The following TEKTL1 variants were observed in gnomAD, a reference collection of about 807,000 sequenced individuals.
The protein encoded by TEKTL1 is tektin-like protein 1.
At chr19:15,010,933 C>A in the TEKTL1 span, 1 of 1,582,786 alleles carries the variant, frequency 6.3e-7, no homozygotes. Flanking sequence ...ACATTCTGAC[C>A]GATCGCTGCG....
chr19:15,018,572 G>A, the TEKTL1 span, among the ~76,000 whole-genome samples: 1 of 150,346 alleles, frequency 6.7e-6, no homozygotes, highest in Non-Finnish European at 1.5e-5. Flanking sequence ...TAATTAGCCA[G>A]TGTGGTGGCA....
the TEKTL1 span, among the ~76,000 whole-genome samples, chr19:15,012,254 C>T: frequency 6.6e-6 from 1 of 151,860 alleles, no homozygotes; most frequent in East Asian, 1.9e-4. Flanking sequence ...CAGTGAGATC[C>T]CATCTCTCCA....
At chr19:15,022,172 G>A in the TEKTL1 span, among the ~76,000 whole-genome samples, 4 of 152,112 alleles carry the variant, frequency 2.6e-5, no homozygotes, top group African/African-American at 9.7e-5. Flanking sequence ...TCACTGTCCA[G>A]CTCTGGCCTT....
chr19:15,016,185 C>CTTT, the TEKTL1 span, among the ~76,000 whole-genome samples: 1,897 of 66,710 alleles, frequency 0.028, 131 homozygotes, highest in African/African-American at 0.046. Flanking sequence ...GACAGCTGTC[C>CTTT]TTTTTTTTTT....
the TEKTL1 span, chr19:15,021,994 C>T: frequency 8.6e-7 from 1 of 1,162,762 alleles, no homozygotes; most frequent in Non-Finnish European, 1.2e-6. Context: ...CACATCTGGA[C>T]CAGGTATGAT....
chr19:15,010,913 A>T, the TEKTL1 span: 1 of 1,574,932 alleles, frequency 6.3e-7, no homozygotes, highest in Admixed American at 1.8e-5. Flanking sequence ...GGCCATGGCG[A>T]GGACCGCGCA....
At chr19:15,013,610 A>G in the TEKTL1 span, 1 of 1,283,058 alleles carries the variant, frequency 7.8e-7, no homozygotes, top group South Asian at 1.3e-5. Flanking sequence ...ACCACCCTGG[A>G]AAGAGGAATC....
At chr19:15,021,750 G>C in the TEKTL1 span, 1 of 1,611,848 alleles carries the variant, frequency 6.2e-7, no homozygotes, top group Non-Finnish European at 8.5e-7. Context: ...GTGGAGGCAG[G>C]GGTGCCGGTG....
chr19:15,013,707 G>T, the TEKTL1 span: 1 of 1,613,804 alleles, frequency 6.2e-7, no homozygotes, highest in Admixed American at 1.7e-5. Flanking sequence ...TTACATGGGA[G>T]AAAGAGGAGC....
the TEKTL1 span, chr19:15,021,319 T>A: frequency 5.9e-5 from 95 of 1,607,560 alleles, 1 homozygote; most frequent in East Asian, 2.1e-3. Context: ...AACGGAGGAC[T>A]TGGCACCCCC....
chr19:15,022,070 C>T, the TEKTL1 span: 1 of 673,286 alleles, frequency 1.5e-6, no homozygotes, highest in East Asian at 2.7e-5. Flanking sequence ...GGGGGCTTCA[C>T]TGGGTACTGA....
chr19:15,015,168 C>T, the TEKTL1 span, among the ~76,000 whole-genome samples: 120,797 of 152,044 alleles, frequency 0.79, 48,077 homozygotes, highest in East Asian at 0.92. Flanking sequence ...GTCTGGGTAA[C>T]AGAGGAAGAC....
chr19:15,020,973 A>G, the TEKTL1 span, among the ~76,000 whole-genome samples: 3 of 149,830 alleles, frequency 2.0e-5, no homozygotes, highest in African/African-American at 7.4e-5. Context: ...TCCGCCTCCC[A>G]GGTTCAAGTG....
chr19:15,020,741 G>C, the TEKTL1 span: 2 of 1,218,516 alleles, frequency 1.6e-6, no homozygotes, highest in Non-Finnish European at 2.3e-6. Context: ...CCACTTAGCT[G>C]TCCCTTTCCT....
chr19:15,023,097 G>C, the TEKTL1 span: 1 of 1,607,308 alleles, frequency 6.2e-7, no homozygotes, highest in South Asian at 1.1e-5. Context: ...CCGCCGCGCA[G>C]CAAGAGCAGC....
the TEKTL1 span, chr19:15,023,137 G>A: frequency 6.4e-7 from 1 of 1,557,476 alleles, no homozygotes. Context: ...AGCGTCCCCC[G>A]CCCCAGCCAG....
the TEKTL1 span, chr19:15,021,283 A>T: frequency 6.3e-7 from 1 of 1,577,962 alleles, no homozygotes; most frequent in Non-Finnish European, 8.6e-7. Context: ...CCACCTGAGA[A>T]TAGAGAGAGG....
the TEKTL1 span, among the ~76,000 whole-genome samples, chr19:15,012,909 G>T: frequency 6.8e-6 from 1 of 147,912 alleles, no homozygotes. Flanking sequence ...TGATACCCTT[G>T]TCCCAACCCA....
chr19:15,011,400 G>C, the TEKTL1 span: 1 of 1,419,598 alleles, frequency 7.0e-7, no homozygotes, highest in Non-Finnish European at 9.2e-7. Context: ...GAGAAGGTGG[G>C]ACCCTCCCCC....
Sources: allele counts gnomAD v4.1 joint callset (sites outside exome capture counted in the v4.1 genomes callset), GRCh38; gene constraint gnomAD v4.1.1; transcripts MANE v1.5; gene names NCBI Gene and HGNC (gene_info 2026-07-23, HGNC 2026-07-21).